The following SIRPD variants were observed in gnomAD, a reference collection of about 807,000 sequenced individuals.
SIRPD encodes the protein signal-regulatory protein delta.
A neutral mutation model predicts 18.0 loss-of-function variants in SIRPD; 21 were observed. The ratio of observed to expected loss-of-function variants is 1.17; its 90% CI spans 0.83 to 1.68. The LOEUF (loss-of-function observed/expected upper bound fraction) is 1.68, where lower values mean the gene tolerates loss of function less well. SIRPD is among the 40% of genes most tolerant of loss of function. The pLI is 0.00. For synonymous variants in SIRPD, 106 were observed against 92.9 expected, an observed-to-expected ratio of 1.14 and a Z score of -0.81; for missense variants, 295 against 238.4, an observed-to-expected ratio of 1.24 and a Z score of -1.56.
chr20:1,552,674 C>T (rs545636415), intron 1 of SIRPD, among the ~76,000 whole-genome samples: 1 of 152,260 alleles, frequency 6.6e-6, no homozygotes, highest in Admixed American at 6.5e-5. Flanking sequence ...ACCAGCCACC[C>T]TTTACCCTCC....
chr20:1,541,455 C>T (rs1010655467), intron 2 of SIRPD, among the ~76,000 whole-genome samples: 7 of 152,210 alleles, frequency 4.6e-5, no homozygotes, highest in African/African-American at 1.7e-4. Flanking sequence ...AGTGTCTGCT[C>T]ATATCCTTCG....
chr20:1,546,602 C>A (rs1001689865), intron 2 of SIRPD, among the ~76,000 whole-genome samples: 2 of 152,140 alleles, frequency 1.3e-5, no homozygotes, highest in African/African-American at 4.8e-5. Flanking sequence ...TGAGTAAATA[C>A]CTAGGAGTGG....
intron 2 of SIRPD, among the ~76,000 whole-genome samples, chr20:1,542,101 T>G (rs1038594952): frequency 1.3e-5 from 2 of 152,164 alleles, no homozygotes; most frequent in Non-Finnish European, 2.9e-5. Context: ...CTTTTTTGCT[T>G]AGGATTGTCT....
Position 1,534,380 on chromosome 20 carries a change from AT to A in SIRPD, c.*44del. On this transcript the variant is annotated 3_prime_UTR_variant, in exon 4 of 4. Coordinates refer to ENST00000381623, the MANE Select transcript of SIRPD (RefSeq NM_178460.3). ...GCTGTCTCCAGGGAGTCAGAAGAGT[AT>A]GGGGGCTTTTGTTATTTACTTGTAC... is the stretch of plus-strand genomic sequence containing the variant. The A allele has an allele frequency of 6.2e-7, 1 of 1,611,706 alleles. No individual in the cohort carries two copies. The highest frequency in any genetic ancestry group is 8.5e-7 in the Non-Finnish European group (1 of 1,179,586).
At position 1,537,160 on chromosome 20, in the gene SIRPD, A is replaced by G; in HGVS notation, c.572T>C (p.Leu191Pro). 6 of 1,613,862 alleles carry G rather than the reference A, an allele frequency of 3.7e-6. No homozygotes were observed. The highest frequency in any genetic ancestry group is 5.1e-6 in the Non-Finnish European group (6 of 1,179,840). ...CTGAGGGTGGGGGCACTCACCTGTG[A>G]GTCCCAGCAGCCGGAGGCAGCAGCA... ...QPCCCLRLLG[L>P]TGLLSK is the part of the protein sequence containing the mutation. Residue 191 changes from leucine to proline, a missense_variant, in exon 3 of 4, where the codon CTC (leucine) becomes CCC (proline). Leu to Pro is a moderately conservative substitution (Grantham distance 98). Transcript: ENST00000381623.
At chr20:1,534,591 A>AC (rs2090937637) in intron 3 of SIRPD, 150 bp from the exon 4 acceptor site, 1 of 700,370 alleles carries the variant, frequency 1.4e-6, no homozygotes, top group East Asian at 2.7e-5. Context: ...AGGCGCTCCC[A>AC]CATACTGCTG....
chr20:1,550,412 G>T (rs1391936857), intron 2 of SIRPD, among the ~76,000 whole-genome samples: 1 of 152,158 alleles, frequency 6.6e-6, no homozygotes, highest in African/African-American at 2.4e-5. Context: ...ATGGGGGAAT[G>T]AATATCAACA....
At position 1,537,244 on chromosome 20, in the gene SIRPD, G is replaced by T. The variant is rs766223497; in HGVS notation, c.488C>A (p.Ala163Asp). 85 of 1,614,026 alleles carry T rather than the reference G, an allele frequency of 5.3e-5. No homozygotes were observed. The South Asian group carries it at 8.9e-4, about 17-fold the overall frequency. Residue 163 changes from alanine to aspartate, a missense_variant, in exon 3 of 4, where the codon GCC (alanine) becomes GAC (aspartate). Transcript: ENST00000381623. ...AGGCAGGGCCGAGAGGCAGGTATGG[G>T]CATCATGGTGGGCCCTGGAGCCTGC... ...GRAGSRAHHDAHTCLSALPER... is the reference protein window; with the variant it reads ...GRAGSRAHHDDHTCLSALPER...
Position 1,534,996 on chromosome 20 carries a change from A to G in SIRPD, c.578-555T>C, listed in dbSNP as rs541469529. Among the ~76,000 whole-genome samples the G allele has an allele frequency of 5.9e-5, 9 of 152,344 alleles. 1 individual carries two copies. The highest frequency in any genetic ancestry group is 1.4e-4 in the African/African-American group (6 of 41,580). On this transcript the variant is annotated intron_variant, in intron 3 of 3. Coordinates refer to ENST00000381623, the MANE Select transcript of SIRPD (RefSeq NM_178460.3). ...AGGAATGGTAATCATAGTATTTACA[A>G]TATAGAAAAGTTTGATGCATGGCCC...
At chr20:1,550,378 C>T (rs144499057) in intron 2 of SIRPD, among the ~76,000 whole-genome samples, 2 of 152,322 alleles carry the variant, frequency 1.3e-5, no homozygotes, top group African/African-American at 2.4e-5. Context: ...TAGGAAGAAG[C>T]TGTCTTTCCA....
intron 2 of SIRPD, among the ~76,000 whole-genome samples, chr20:1,539,194 A>G (rs968603466): frequency 6.6e-6 from 1 of 152,224 alleles, no homozygotes; most frequent in Non-Finnish European, 1.5e-5. Context: ...ATTATTATTT[A>G]GTCCAAAATA....
intron 1 of SIRPD, among the ~76,000 whole-genome samples, chr20:1,554,717 AG>A (rs2091032446): frequency 6.6e-6 from 1 of 152,102 alleles, no homozygotes; most frequent in South Asian, 2.1e-4. Context: ...CTGCATATGG[AG>A]GCAGCTCCCT....
At chr20:1,548,035 A>G (rs2091001749) in intron 2 of SIRPD, among the ~76,000 whole-genome samples, 1 of 152,182 alleles carries the variant, frequency 6.6e-6, no homozygotes, top group African/African-American at 2.4e-5. Context: ...CAATAGAGAT[A>G]GTTTTACTTC....
intron 2 of SIRPD, among the ~76,000 whole-genome samples, chr20:1,548,187 T>C (rs183865404): frequency 6.6e-6 from 1 of 152,354 alleles, no homozygotes; most frequent in East Asian, 1.9e-4. Flanking sequence ...TCCTCATTAA[T>C]TGTGACATTG....
intron 2 of SIRPD, among the ~76,000 whole-genome samples, chr20:1,547,819 C>T (rs2091000160): frequency 6.6e-6 from 1 of 152,108 alleles, no homozygotes. Context: ...TTTCATTTAA[C>T]ATTTTTTTGT....
At chr20:1,545,672 G>A (rs2090990442) in intron 2 of SIRPD, among the ~76,000 whole-genome samples, 2 of 152,200 alleles carry the variant, frequency 1.3e-5, no homozygotes, top group South Asian at 2.1e-4. Flanking sequence ...GCGAGGAGAT[G>A]TCATTCTTTG....
chr20:1,553,025 A>G (rs982860616), intron 1 of SIRPD, among the ~76,000 whole-genome samples: 1 of 152,200 alleles, frequency 6.6e-6, no homozygotes, highest in East Asian at 1.9e-4. Context: ...AGGAGAAGGA[A>G]ATACTGGTTA....
intron 2 of SIRPD, among the ~76,000 whole-genome samples, chr20:1,541,697 T>C (rs2090972137): frequency 6.6e-6 from 1 of 152,196 alleles, no homozygotes; most frequent in South Asian, 2.1e-4. Context: ...GGTGTTTTAG[T>C]CATAAAGTCT....
chr20:1,553,155 G>C (rs1268323951), intron 1 of SIRPD, among the ~76,000 whole-genome samples: 1 of 152,000 alleles, frequency 6.6e-6, no homozygotes, highest in Non-Finnish European at 1.5e-5. Flanking sequence ...AAGGCTTTTT[G>C]CAAAAAAGAC....
Sources: allele counts gnomAD v4.1 joint callset (sites outside exome capture counted in the v4.1 genomes callset), GRCh38; gene constraint gnomAD v4.1.1; transcripts MANE v1.5; gene names NCBI Gene and HGNC (gene_info 2026-07-23, HGNC 2026-07-21).